LEPR: variants seen among roughly 807,000 people sequenced by gnomAD.
LEPR encodes the protein leptin receptor.
Under a neutral mutation model 114.7 loss-of-function variants are expected in LEPR, and 56 were observed. The ratio of observed to expected loss-of-function variants is 0.49; its 90% CI spans 0.39 to 0.61. The LOEUF is 0.61. LEPR is among the 20% of genes least tolerant of loss of function. The pLI, the probability that LEPR is intolerant of heterozygous loss-of-function variation, is 0.00. For synonymous variants in LEPR, 443 were observed against 461.4 expected, an observed-to-expected ratio of 0.96 and a Z score of 0.51; for missense variants, 1,202 against 1,352.9, an observed-to-expected ratio of 0.89 and a Z score of 1.75.
intron 2 of LEPR, among the ~76,000 whole-genome samples, chr1:65,443,784 C>T (rs1646678885): frequency 6.6e-6 from 1 of 152,014 alleles, no homozygotes; most frequent in Non-Finnish European, 1.5e-5. Flanking sequence ...AGAGAAGTAG[C>T]AGACAGGAAT....
rs540852948 is a variant in LEPR, at chr1:65,529,670, C to T, written c.-20-35876C>T. On this transcript the variant is annotated intron_variant, in intron 2 of 19. Transcript: ENST00000349533. ...TGTTTTCAATATTCTGCTAAAACTA[C>T]GTCAAGGTCTACTACTGTCAAGTTC... 3.9e-5 allele frequency among the ~76,000 whole-genome samples: 6 copies of T among 152,250 alleles called. No individual in the cohort carries two copies. In the East Asian group the frequency reaches 7.7e-4, roughly 20 times the overall value.
chr1:65,530,186 G>GC (rs1650286990), intron 2 of LEPR, among the ~76,000 whole-genome samples: 1 of 152,082 alleles, frequency 6.6e-6, no homozygotes, highest in Admixed American at 6.6e-5. Context: ...AGTTAGTTAG[G>GC]CCCCAAACCT....
At chr1:65,565,227 A>G (rs1302476841) in intron 2 of LEPR, among the ~76,000 whole-genome samples, 1 of 152,206 alleles carries the variant, frequency 6.6e-6, no homozygotes, top group African/African-American at 2.4e-5. Context: ...TACATATTTT[A>G]TCAACATTGT....
At chr1:65,535,717 G>C (rs953900055) in intron 2 of LEPR, among the ~76,000 whole-genome samples, 9 of 152,052 alleles carry the variant, frequency 5.9e-5, no homozygotes, top group Admixed American at 5.9e-4. Flanking sequence ...CAGTAATTTA[G>C]GTAAGTGGCT....
At chr1:65,429,246 T>C (rs1240017075) in intron 2 of LEPR, among the ~76,000 whole-genome samples, 3 of 152,010 alleles carry the variant, frequency 2.0e-5, no homozygotes, top group Non-Finnish European at 4.4e-5. Context: ...GAGAAGATCA[T>C]GGGGAAGGAC....
chr1:65,526,443 A>G lies in LEPR; in HGVS notation c.-20-39103A>G, dbSNP rs541310929. On this transcript the variant is annotated intron_variant, in intron 2 of 19. Coordinates refer to ENST00000349533, the MANE Select transcript of LEPR (RefSeq NM_002303.6). The stretch of plus-strand genomic sequence containing the variant: ...GAGGAATCATTTGGGAACCGCAGGT[A>G]TGGTGCCATTTAAAAACTGGTTCTT... 5.7e-5 allele frequency: 56 copies of G among 983,812 alleles called. 1 individual carries two copies. The South Asian group carries it at 2.4e-3, about 42-fold the overall frequency. 60.9% of individuals were successfully genotyped at this position (983,812 alleles called of 1,614,324 possible).
At chr1:65,471,591 C>T (rs1270010562) in intron 2 of LEPR, among the ~76,000 whole-genome samples, 1 of 152,126 alleles carries the variant, frequency 6.6e-6, no homozygotes, top group African/African-American at 2.4e-5. Context: ...ACCTGGTTGA[C>T]CTGTTTTTCC....
In LEPR at chr1:65,601,838, A is replaced by C. The variant is rs1340879508; in HGVS notation, c.1286-5A>C. On this transcript the variant is annotated splice_polypyrimidine_tract_variant and splice_region_variant and intron_variant, in intron 9 of 19. Coordinates refer to ENST00000349533, the MANE Select transcript of LEPR (RefSeq NM_002303.6). ...TATATTAATATTTTAATATGTTTCAAATAGATGTCAATATCAATATCTCAT... is the reference window on the plus strand; with the variant it reads ...TATATTAATATTTTAATATGTTTCACATAGATGTCAATATCAATATCTCAT... 1 of 1,610,944 alleles carries C rather than the reference A, an allele frequency of 6.2e-7. No individual in the cohort carries two copies. Among genetic ancestry groups the C allele is most frequent in the African/African-American group, 1.3e-5 (1 of 74,838 alleles).
intron 2 of LEPR, among the ~76,000 whole-genome samples, chr1:65,519,161 C>T (rs1215230461): frequency 3.6e-5 from 5 of 138,152 alleles, no homozygotes; most frequent in African/African-American, 1.4e-4. Context: ...CCTTTCCTTC[C>T]TTCCTTCCTT....
chr1:65,556,236 T>C (rs562604647), intron 2 of LEPR, among the ~76,000 whole-genome samples: 19 of 152,274 alleles, frequency 1.2e-4, no homozygotes, highest in African/African-American at 4.6e-4. Flanking sequence ...TCTTGGACTT[T>C]CCAGCCTCCA....
Position 65,606,168 on chromosome 1 carries a change from A to G in LEPR, c.1603+931A>G, listed in dbSNP as rs75828343. Among the ~76,000 whole-genome samples, 516 of 152,284 alleles carry G rather than the reference A, an allele frequency of 3.4e-3. 10 individuals are homozygous for G. The highest frequency in any genetic ancestry group is 4.9e-3 in the Non-Finnish European group (330 of 68,024). Reference sequence around the variant, plus strand: ...AATACACGATAAGATTGTCTTAATTATAAGATTTCTTTTTCAATGTAAAGT... The same window carrying G: ...AATACACGATAAGATTGTCTTAATTGTAAGATTTCTTTTTCAATGTAAAGT... On this transcript the variant is annotated intron_variant, in intron 11 of 19. Coordinates refer to ENST00000349533, the MANE Select transcript of LEPR (RefSeq NM_002303.6).
chr1:65,432,814 G>A (rs1044114743), intron 2 of LEPR: 4 of 564,416 alleles, frequency 7.1e-6, no homozygotes, highest in African/African-American at 6.1e-5. Flanking sequence ...AATTTCTAAT[G>A]TTCTCATAAA....
chr1:65,544,574 G>A (rs562382442), intron 2 of LEPR, among the ~76,000 whole-genome samples: 11 of 151,936 alleles, frequency 7.2e-5, no homozygotes, highest in Admixed American at 5.2e-4. Context: ...TATTGGCTAT[G>A]GGTCATAAAT....
chr1:65,430,230 T>C (rs1248111279), intron 2 of LEPR: 5 of 438,248 alleles, frequency 1.1e-5, no homozygotes, highest in Non-Finnish European at 2.0e-5. Context: ...TTCAGAGTGC[T>C]TTCTTTATTT....
In LEPR at chr1:65,638,341, T is replaced by G. The variant is rs1658782484; in HGVS notation, c.*1326T>G. On this transcript the variant is annotated 3_prime_UTR_variant, in exon 20 of 20. Transcript: ENST00000349533. The stretch of plus-strand genomic sequence containing the variant: ...AAGATTAATACATAAGTTTATTATT[T>G]ATTCAACTTTTGGTACGGTAAAAAA... 1 of 152,226 alleles carries G rather than the reference T, an allele frequency of 6.6e-6. No individual in the cohort carries two copies. The highest frequency in any genetic ancestry group is 1.5e-5 in the Non-Finnish European group (1 of 68,040). 9.4% of individuals were successfully genotyped at this position (152,226 alleles called of 1,614,324 possible).
rs1482336299 is a variant in LEPR at position 65,610,020 on chromosome 1, T to C, written c.1826T>C (p.Val609Ala). The C allele has an allele frequency of 1.2e-6, 2 of 1,614,212 alleles. No homozygotes were observed. Among genetic ancestry groups the C allele is most frequent in the African/African-American group, 1.3e-5 (1 of 75,066 alleles). The change falls in exon 13 of 20, where the codon GTT (valine) becomes GCT (alanine). Residue 609 changes from valine (V) to alanine (A), a missense_variant. By Grantham distance (64) the Val-to-Ala change is moderately conservative (BLOSUM62 0). Coordinates refer to ENST00000349533, the MANE Select transcript of LEPR (RefSeq NM_002303.6). Reference sequence around the variant, plus strand: ...CCAGACTTGTGTGCAGTCTATGCTGTTCAGGTGCGCTGTAAGAGGCTAGAT... The same window carrying C: ...CCAGACTTGTGTGCAGTCTATGCTGCTCAGGTGCGCTGTAAGAGGCTAGAT... ...PVPDLCAVYA[V>A]QVRCKRLDGL... is the part of the protein sequence containing the mutation.
intron 2 of LEPR, among the ~76,000 whole-genome samples, chr1:65,452,169 A>G (rs930193192): frequency 1.3e-5 from 2 of 152,180 alleles, no homozygotes; most frequent in African/African-American, 4.8e-5. Flanking sequence ...CAATTTAAGG[A>G]GATTTTGGGC....
chr1:65,640,307 G>GA lies in LEPR; in HGVS notation c.*3298dup, dbSNP rs1658826847. Reference sequence around the variant, plus strand: ...AGTTCCATCTCACTTAGATGTGGATGAAAAAAGATCTCTTGCTAAATTATT... The same window carrying GA: ...AGTTCCATCTCACTTAGATGTGGATGAAAAAAAGATCTCTTGCTAAATTATT... On this transcript the variant is annotated 3_prime_UTR_variant, in exon 20 of 20. Coordinates refer to ENST00000349533, the MANE Select transcript of LEPR (RefSeq NM_002303.6). The GA allele has an allele frequency of 6.6e-6, 1 of 152,092 alleles. No homozygotes were observed. The highest frequency in any genetic ancestry group is 2.4e-5 in the African/African-American group (1 of 41,424). The allele number at this position is 152,092 out of a possible 1,614,324, so 9.4% of individuals were successfully genotyped here.
At chr1:65,487,719 A>G (rs1227733743) in intron 2 of LEPR, among the ~76,000 whole-genome samples, 1 of 149,480 alleles carries the variant, frequency 6.7e-6, no homozygotes, top group Non-Finnish European at 1.5e-5. Context: ...TTTTTTTAAA[A>G]TTATCTTAGG....
Sources: gnomAD v4.1 joint callset for allele counts (sites outside exome capture counted in the v4.1 genomes callset) on GRCh38, gnomAD v4.1.1 for gene constraint, MANE v1.5 for transcripts, NCBI Gene and HGNC (gene_info 2026-07-23, HGNC 2026-07-21) for gene names.